CMIP: variants seen among roughly 807,000 people sequenced by gnomAD.
CMIP encodes C-Maf-inducing protein.
A neutral mutation model predicts 97.3 loss-of-function variants in CMIP; 13 were observed. The ratio of observed to expected loss-of-function variants is 0.13; its 90% CI spans 0.09 to 0.21. CMIP has a LOEUF of 0.21. CMIP is among the 10% of genes least tolerant of loss of function. The pLI is 1.00. For missense variants in CMIP, 847 were observed against 1,024.9 expected, an observed-to-expected ratio of 0.83 and a Z score of 2.37; for synonymous variants, 538 against 436.3, an observed-to-expected ratio of 1.23 and a Z score of -2.91.
chr16:81,593,981 C>T (rs566062543), intron 1 of CMIP, among the ~76,000 whole-genome samples: 3 of 130,966 alleles, frequency 2.3e-5, no homozygotes, highest in East Asian at 2.3e-4. Context: ...CCTCCTGCTC[C>T]TCCTCCCCCT....
chr16:81,563,230 G>C (rs374626487), intron 1 of CMIP, among the ~76,000 whole-genome samples: 2 of 152,242 alleles, frequency 1.3e-5, no homozygotes, highest in South Asian at 2.1e-4. Context: ...CAGAGGAACA[G>C]TGAGAATACA....
At chr16:81,603,886 C>T (rs1030274744) in intron 1 of CMIP, among the ~76,000 whole-genome samples, 1 of 152,162 alleles carries the variant, frequency 6.6e-6, no homozygotes. Flanking sequence ...GTGCTGAGTC[C>T]TTGATAAACT....
intron 1 of CMIP, chr16:81,495,278 G>C: frequency 7.1e-7 from 1 of 1,414,310 alleles, no homozygotes; most frequent in Non-Finnish European, 9.2e-7. Context: ...GGGGGAAGCA[G>C]AGGATGAACC....
chr16:81,609,929 C>A (rs2091804077), intron 2 of CMIP, among the ~76,000 whole-genome samples: 1 of 152,192 alleles, frequency 6.6e-6, no homozygotes, highest in Non-Finnish European at 1.5e-5. Flanking sequence ...CAATAGGCAG[C>A]CACTGAAAGC....
intron 1 of CMIP, among the ~76,000 whole-genome samples, chr16:81,504,187 G>A (rs1403035138): frequency 1.3e-5 from 2 of 152,112 alleles, no homozygotes; most frequent in Non-Finnish European, 2.9e-5. Flanking sequence ...TTAGCCTGGC[G>A]TGGTCGTGGG....
chr16:81,460,786 C>A (rs1198768756), intron 1 of CMIP, among the ~76,000 whole-genome samples: 1 of 152,176 alleles, frequency 6.6e-6, no homozygotes, highest in Non-Finnish European at 1.5e-5. Flanking sequence ...GAATCTCTTG[C>A]ACTTGGACTC....
chr16:81,645,198 C>G (rs891384497), intron 3 of CMIP, among the ~76,000 whole-genome samples: 1 of 152,222 alleles, frequency 6.6e-6, no homozygotes, highest in East Asian at 1.9e-4. Context: ...CTAGGCAGCT[C>G]CGCTGTAGGA....
chr16:81,509,640 C>G (rs988849667), intron 1 of CMIP, among the ~76,000 whole-genome samples: 1 of 152,212 alleles, frequency 6.6e-6, no homozygotes, highest in Non-Finnish European at 1.5e-5. Flanking sequence ...CCAGGGCGGC[C>G]CTAAGCAGAG....
intron 20 of CMIP, among the ~76,000 whole-genome samples, chr16:81,709,085 A>C (rs1472988862): frequency 6.6e-6 from 1 of 152,196 alleles, no homozygotes; most frequent in Non-Finnish European, 1.5e-5. Flanking sequence ...TGGGTAGCAG[A>C]AACAGAAAGC....
At chr16:81,494,484 G>A (rs773567522) in intron 1 of CMIP, among the ~76,000 whole-genome samples, 2 of 152,180 alleles carry the variant, frequency 1.3e-5, no homozygotes, top group South Asian at 2.1e-4. Context: ...CTCCAGGGAC[G>A]GCCAGACAGC....
At chr16:81,632,017 C>G (rs1010008792) in intron 3 of CMIP, 1 of 152,196 alleles carries the variant, frequency 6.6e-6, no homozygotes, top group African/African-American at 2.4e-5. Flanking sequence ...CCCTAAATCT[C>G]TCTTAACTTC....
rs2150731375 is a variant in CMIP at position 81,453,678 on chromosome 16, A to C, written c.300+8137A>C. ...CCCCAGGCAGGCTAGCTGCCGTAAC[A>C]CGCAGCCCTGGCATCTGGGTGGCTT... On this transcript the variant is annotated intron_variant, in intron 1 of 20. Transcript: ENST00000537098. The surrounding 1 kb of genome is among the most constrained non-coding windows in gnomAD (Gnocchi z 4.0). 6.6e-6 allele frequency among the ~76,000 whole-genome samples: 1 copy of C among 152,286 alleles called. No individual in the cohort carries two copies. The highest frequency in any genetic ancestry group is 2.1e-4 in the South Asian group (1 of 4,822).
intron 3 of CMIP, among the ~76,000 whole-genome samples, chr16:81,644,982 A>T (rs1273484999): frequency 6.6e-6 from 1 of 152,208 alleles, no homozygotes; most frequent in Admixed American, 6.5e-5. Flanking sequence ...TGACAGGGAC[A>T]CCAAGACTTT....
At chr16:81,664,412 C>T (rs950903287) in intron 7 of CMIP, 63 bp downstream of exon 7, 17 of 1,488,002 alleles carry the variant, frequency 1.1e-5, no homozygotes, top group Middle Eastern at 4.3e-4. Flanking sequence ...CGCGCGCCTC[C>T]CTGGCCTTTT....
intron 1 of CMIP, among the ~76,000 whole-genome samples, chr16:81,605,260 C>T: frequency 6.6e-6 from 1 of 152,136 alleles, no homozygotes; most frequent in Non-Finnish European, 1.5e-5. Flanking sequence ...ATAAAGAGAA[C>T]CTTCTTGGGT....
At chr16:81,552,608 T>C (rs2090680913) in intron 1 of CMIP, among the ~76,000 whole-genome samples, 1 of 152,204 alleles carries the variant, frequency 6.6e-6, no homozygotes, top group Admixed American at 6.5e-5. Context: ...CCTTCCTCTT[T>C]CATTGGGACC....
chr16:81,477,020 C>A lies in CMIP; in HGVS notation c.300+31479C>A, dbSNP rs539060570. Among the ~76,000 whole-genome samples the A allele has an allele frequency of 2.9e-4, 44 of 152,044 alleles. No individual in the cohort carries two copies. The Middle Eastern group carries it at 0.01, about 35-fold the overall frequency. ...TCTTTGGGCTTCATCTATAGTAGGA[C>A]CATTTTTATCTCGTGGGGCTAATTC... On this transcript the variant is annotated intron_variant, in intron 1 of 20. Coordinates refer to ENST00000537098, the MANE Select transcript of CMIP (RefSeq NM_198390.3).
chr16:81,482,168 C>T (rs753703863), intron 1 of CMIP, among the ~76,000 whole-genome samples: 18 of 152,094 alleles, frequency 1.2e-4, no homozygotes, highest in Admixed American at 5.9e-4. Flanking sequence ...CATGAGCTAC[C>T]GGGCCTGTCC....
chr16:81,639,136 G>A (rs1236062564), intron 3 of CMIP, among the ~76,000 whole-genome samples: 1 of 152,212 alleles, frequency 6.6e-6, no homozygotes, highest in Admixed American at 6.5e-5. Flanking sequence ...TACAGGGCCG[G>A]CTGTGACCTG....
Sources: allele counts gnomAD v4.1 joint callset (sites outside exome capture counted in the v4.1 genomes callset), GRCh38; gene constraint gnomAD v4.1.1; non-coding constraint Gnocchi (gnomAD v3.1); transcripts MANE v1.5; gene names NCBI Gene and HGNC (gene_info 2026-07-23, HGNC 2026-07-21).